Variants in ARL3 observed in about 807,000 individuals in gnomAD.
The protein encoded by ARL3 is ADP-ribosylation factor-like protein 3.
In ARL3, 9 loss-of-function variants were observed where a neutral mutation model predicts 26.0. The ratio of observed to expected loss-of-function variants is 0.35; its 90% CI spans 0.21 to 0.60. The LOEUF (loss-of-function observed/expected upper bound fraction) is 0.60. Among genes scored for constraint, ARL3 ranks in the 20% least tolerant of loss-of-function variants. The pLI is 0.78. For missense variants in ARL3, 158 were observed against 215.7 expected (o/e 0.73, Z 1.67); for synonymous variants, 71 against 78.4 (o/e 0.91, Z 0.50).
chr10:102,676,239 T>A lies in ARL3; in HGVS notation c.*655A>T, dbSNP rs2064130097. On this transcript the variant is annotated 3_prime_UTR_variant, in exon 6 of 6. Coordinates refer to ENST00000260746, the MANE Select transcript of ARL3 (RefSeq NM_004311.4). ...GTGGGTGGGATGGGGTATGTTTCTG[T>A]AGTGACTTGTCTGCAAGAAAGACTT... is the stretch of plus-strand genomic sequence containing the variant. 1 of 150,468 alleles carries A rather than the reference T, an allele frequency of 6.6e-6. No homozygotes were observed. The highest frequency in any genetic ancestry group is 1.9e-4 in the South Asian group (1 of 5,392). The allele number at this position is 150,468 out of a possible 1,614,324, so 9.3% of individuals were successfully genotyped here.
chr10:102,682,007 C>T (rs2064157957), intron 5 of ARL3, among the ~76,000 whole-genome samples: 1 of 152,018 alleles, frequency 6.6e-6, no homozygotes, highest in African/African-American at 2.4e-5. Flanking sequence ...TTTCTAGACA[C>T]CCAAGGAGGG....
chr10:102,675,849 T>TA lies in ARL3; in HGVS notation c.*1044dup, dbSNP rs1394112740. The TA allele has an allele frequency of 6.6e-6, 1 of 152,556 alleles. No homozygotes were observed. The highest frequency in any genetic ancestry group is 1.9e-4 in the East Asian group (1 of 5,194). The allele number at this position is 152,556 out of a possible 1,614,324, so 9.5% of individuals were successfully genotyped here. Reference sequence around the variant, plus strand: ...GTTGCCAGCACTGTAAAAATTGATCTAAAAATCGATCTGCCTGGCTTTTCT... The same window carrying TA: ...GTTGCCAGCACTGTAAAAATTGATCTAAAAAATCGATCTGCCTGGCTTTTCT... On this transcript the variant is annotated 3_prime_UTR_variant, in exon 6 of 6. Coordinates refer to ENST00000260746, the MANE Select transcript of ARL3 (RefSeq NM_004311.4).
At chr10:102,683,283 A>T (rs1008166264) in intron 5 of ARL3, among the ~76,000 whole-genome samples, 6 of 152,190 alleles carry the variant, frequency 3.9e-5, no homozygotes, top group African/African-American at 7.2e-5. Context: ...CCACGAAAGG[A>T]CAATAGACAG....
chr10:102,690,017 A>G lies in ARL3; in HGVS notation c.265-74T>C, dbSNP rs2064208441. The G allele has an allele frequency of 8.7e-6, 8 of 922,694 alleles. No homozygotes were observed. In the Admixed American group the frequency reaches 1.8e-4, roughly 21 times the overall value. The allele number at this position is 922,694 out of a possible 1,614,324, so 57.2% of individuals were successfully genotyped here. ...ACAGGGCAATTTCTGCAAAAGGAGC[A>G]GGTGATCCCCAATCAGCATATTCCA... On this transcript the variant is annotated intron_variant, in intron 3 of 5. Transcript: ENST00000260746.
chr10:102,695,513 G>A (rs2064242346), intron 3 of ARL3, among the ~76,000 whole-genome samples: 1 of 152,072 alleles, frequency 6.6e-6, no homozygotes, highest in Admixed American at 6.6e-5. Context: ...GTGTTTCCTT[G>A]TTGATTTAAA....
intron 2 of ARL3, among the ~76,000 whole-genome samples, chr10:102,704,695 G>C (rs1007775249): frequency 6.6e-6 from 1 of 152,110 alleles, no homozygotes; most frequent in African/African-American, 2.4e-5. Context: ...TAGGTACTCA[G>C]ATCTGCTGGA....
chr10:102,679,497 C>T (rs2064144830), intron 5 of ARL3, among the ~76,000 whole-genome samples: 1 of 152,236 alleles, frequency 6.6e-6, no homozygotes, highest in Admixed American at 6.5e-5. Flanking sequence ...CAATGGCAAG[C>T]TGTGGTGCCC....
At chr10:102,710,543 T>C (rs1439793610) in intron 1 of ARL3, among the ~76,000 whole-genome samples, 1 of 152,218 alleles carries the variant, frequency 6.6e-6, no homozygotes, top group Non-Finnish European at 1.5e-5. Context: ...ACATTAATTT[T>C]TAAAGTGCAT....
chr10:102,681,829 C>T (rs919735532), intron 5 of ARL3, among the ~76,000 whole-genome samples: 1 of 152,184 alleles, frequency 6.6e-6, no homozygotes, highest in Non-Finnish European at 1.5e-5. Flanking sequence ...ACATACCACA[C>T]ACACATGCAC....
At chr10:102,680,223 C>T (rs1273733361) in intron 5 of ARL3, among the ~76,000 whole-genome samples, 3 of 152,172 alleles carry the variant, frequency 2.0e-5, no homozygotes, top group Non-Finnish European at 2.9e-5. Flanking sequence ...GGATTACAGG[C>T]GTGAGCCACT....
chr10:102,679,789 T>C (rs2135995136), intron 5 of ARL3, among the ~76,000 whole-genome samples: 1 of 152,338 alleles, frequency 6.6e-6, no homozygotes, highest in South Asian at 2.1e-4. Context: ...TGCAGAGGCC[T>C]GGTTATCTGC....
At chr10:102,705,512 A>G (rs2064305108) in intron 1 of ARL3, 23 bp from the exon 2 acceptor site, 1 of 1,556,110 alleles carries the variant, frequency 6.4e-7, no homozygotes, top group Non-Finnish European at 8.8e-7. Flanking sequence ...CAAAGGAGAC[A>G]GATTACTCTG....
intron 3 of ARL3, among the ~76,000 whole-genome samples, chr10:102,693,668 G>A (rs1221829555): frequency 6.6e-6 from 1 of 151,996 alleles, no homozygotes; most frequent in African/African-American, 2.4e-5. Context: ...TTGCAGAGCA[G>A]AAGTTTTATT....
chr10:102,701,851 T>C (rs1442983139), intron 2 of ARL3, among the ~76,000 whole-genome samples: 6 of 152,102 alleles, frequency 3.9e-5, no homozygotes, highest in African/African-American at 1.2e-4. Context: ...AGTATTTACA[T>C]ATATAATAAC....
intron 1 of ARL3, among the ~76,000 whole-genome samples, chr10:102,709,466 C>T (rs2064326645): frequency 8.8e-6 from 1 of 113,766 alleles, no homozygotes; most frequent in Non-Finnish European, 1.8e-5. Context: ...AAACACGAGA[C>T]ACATATCCCT....
intron 2 of ARL3, among the ~76,000 whole-genome samples, chr10:102,703,467 G>T (rs2064291612): frequency 2.6e-5 from 2 of 78,354 alleles, no homozygotes; most frequent in Admixed American, 2.0e-4. Flanking sequence ...TTTTTGTGAT[G>T]GAGTCTCGCT....
At chr10:102,681,822 T>C (rs536412566) in intron 5 of ARL3, among the ~76,000 whole-genome samples, 1 of 152,220 alleles carries the variant, frequency 6.6e-6, no homozygotes, top group South Asian at 2.1e-4. Flanking sequence ...TAATTACACA[T>C]ACCACACACA....
chr10:102,711,894 AT>A (rs1350708699), intron 1 of ARL3, among the ~76,000 whole-genome samples: 1 of 152,032 alleles, frequency 6.6e-6, no homozygotes, highest in Non-Finnish European at 1.5e-5. Flanking sequence ...TGTTTTGTTT[AT>A]TTTTTTAAAA....
chr10:102,685,571 G>A (rs1425750758), intron 5 of ARL3, among the ~76,000 whole-genome samples: 1 of 152,172 alleles, frequency 6.6e-6, no homozygotes, highest in African/African-American at 2.4e-5. Context: ...ACAATCCTCA[G>A]TCTTCTGTTC....
Sources: allele counts gnomAD v4.1 joint callset (sites outside exome capture counted in the v4.1 genomes callset), GRCh38; gene constraint gnomAD v4.1.1; transcripts MANE v1.5; gene names NCBI Gene and HGNC (gene_info 2026-07-23, HGNC 2026-07-21).